Variants in RUBCN observed in about 807,000 individuals in gnomAD.
The protein encoded by RUBCN is run domain Beclin-1-interacting and cysteine-rich domain-containing protein.
Under a neutral mutation model 113.2 loss-of-function variants are expected in RUBCN, and 74 were observed. The observed-to-expected ratio is 0.65, with a 90% CI of 0.54 to 0.79. The LOEUF (loss-of-function observed/expected upper bound fraction) is 0.79. Among genes scored for constraint, RUBCN ranks in the 30% least tolerant of loss-of-function variants. The pLI is 0.00. For synonymous variants in RUBCN, 480 were observed against 490.0 expected, an observed-to-expected ratio of 0.98 and a Z score of 0.27; for missense variants, 1,109 against 1,251.7, an observed-to-expected ratio of 0.89 and a Z score of 1.72.
chr3:197,681,081 G>A lies in RUBCN; in HGVS notation c.2430+48C>T. On this transcript the variant is annotated intron_variant, in intron 16 of 19. Transcript: ENST00000296343. This position sits in a 1 kb window ranked among gnomAD's most constrained non-coding sequence, Gnocchi z 5.5. ...GGGGAGGGACGAGGGGAGGGGATGA[G>A]GGGAGGAGAAGGGCAAGACTCTAAG... The A allele has an allele frequency of 8.2e-7, 1 of 1,215,736 alleles. No homozygotes were observed. The highest frequency in any genetic ancestry group is 1.2e-6 in the Non-Finnish European group (1 of 820,760). The allele number at this position is 1,215,736 out of a possible 1,614,324, so 75.3% of individuals were successfully genotyped here.
chr3:197,747,180 C>T (rs1424813977), intron 1 of RUBCN, among the ~76,000 whole-genome samples: 1 of 152,068 alleles, frequency 6.6e-6, no homozygotes, highest in East Asian at 1.9e-4. Context: ...CTGCCATTAC[C>T]CACAATGCTT....
chr3:197,692,268 G>A (rs1722505629), intron 11 of RUBCN, among the ~76,000 whole-genome samples: 1 of 151,934 alleles, frequency 6.6e-6, no homozygotes. Flanking sequence ...ACCTGGGAGG[G>A]TGGTGCCCCA....
chr3:197,719,805 T>C (rs1725944836), intron 1 of RUBCN, among the ~76,000 whole-genome samples: 2 of 152,216 alleles, frequency 1.3e-5, no homozygotes, highest in Admixed American at 1.3e-4. Flanking sequence ...GTGTCACCTT[T>C]TTAAAAAATT....
At chr3:197,744,993 A>G (rs1029906369) in intron 1 of RUBCN, among the ~76,000 whole-genome samples, 3 of 152,198 alleles carry the variant, frequency 2.0e-5, no homozygotes, top group Admixed American at 6.5e-5. Flanking sequence ...AACTAAGAAA[A>G]GGGGGATTTA....
rs547758466 is a variant in RUBCN at position 197,676,380 on chromosome 3, C to T, written c.2646+505G>A. On this transcript the variant is annotated intron_variant, in intron 18 of 19. Transcript: ENST00000296343. ...TCAGGCTGGAGTGCAGTGGCATGAT[C>T]TCGGCTCACTGCAACCTCCGCCTCC... 367 of 941,136 alleles carry T rather than the reference C, an allele frequency of 3.9e-4. 1 individual carries two copies. Among genetic ancestry groups the T allele is most frequent in the Non-Finnish European group, 4.5e-4 (349 of 775,850 alleles). 58.3% of individuals were successfully genotyped at this position (941,136 alleles called of 1,614,324 possible). A position where few individuals can be genotyped will look rare whatever the true frequency, so the allele number is the denominator to read the frequency against.
rs201380779 is a variant in RUBCN, at chr3:197,681,092, G to A, written c.2430+37C>T. On this transcript the variant is annotated intron_variant, in intron 16 of 19. Coordinates refer to ENST00000296343, the MANE Select transcript of RUBCN (RefSeq NM_014687.4). The surrounding 1 kb of genome is among the most constrained non-coding windows in gnomAD (Gnocchi z 5.5). ...AGGGGAGGGGATGAGGGGAGGAGAA[G>A]GGCAAGACTCTAAGGTGGCCTTTTC... The A allele has an allele frequency of 7.2e-7, 1 of 1,390,198 alleles. No homozygotes were observed. The highest frequency in any genetic ancestry group is 1.0e-6 in the Non-Finnish European group (1 of 979,072). 86.1% of individuals were successfully genotyped at this position (1,390,198 alleles called of 1,614,324 possible). A position where few individuals can be genotyped will look rare whatever the true frequency, so the allele number is the denominator to read the frequency against.
chr3:197,738,656 G>A (rs779140182), upstream of RUBCN, among the ~76,000 whole-genome samples: 6 of 152,184 alleles, frequency 3.9e-5, no homozygotes, highest in Non-Finnish European at 8.8e-5. Flanking sequence ...CGCTGCCACA[G>A]TTCACTGCAG....
Position 197,746,468 on chromosome 3 carries a change from C to G in RUBCN, c.-116+2801G>C, listed in dbSNP as rs1037788918. On this transcript the variant is annotated intron_variant, in intron 1 of 20. Coordinates refer to the RUBCN transcript ENST00000273582. ...ATGCTGCTTGACTCATGCCATATAG[C>G]CATGTCCCTCTCAAAGCTCAGAATA... Among the ~76,000 whole-genome samples the G allele has an allele frequency of 7.9e-5, 12 of 152,152 alleles. 1 individual carries two copies. The highest frequency in any genetic ancestry group is 3.9e-4 in the Admixed American group (6 of 15,282).
At position 197,697,047 on chromosome 3, in the gene RUBCN, A is replaced by G; in HGVS notation, c.1264T>C (p.Ser422Pro). 6.4e-7 allele frequency: 1 copy of G among 1,552,684 alleles called. No homozygotes were observed. The stretch of plus-strand genomic sequence containing the variant: ...CTCAACTTCGCCTTATCATTGCAGG[A>G]TTCTAATGACGATGACCACCAGCGA... ...TSIASRGAPE[S>P]CNDKAKLRGP... Residue 422 changes from serine (S) to proline (P), a missense_variant and splice_region_variant, in exon 8 of 20, where the codon TCC becomes CCC. Physicochemically the swap from Ser to Pro is moderately conservative, Grantham distance 74 (BLOSUM62 -1). This residue lies in a region of RUBCN where 736 missense variants were observed against 779.6 expected (regional missense o/e 0.94). Coordinates refer to ENST00000296343, the MANE Select transcript of RUBCN (RefSeq NM_014687.4).
At chr3:197,718,639 T>TG (rs1206616043) in intron 1 of RUBCN, among the ~76,000 whole-genome samples, 1 of 152,156 alleles carries the variant, frequency 6.6e-6, no homozygotes, top group Non-Finnish European at 1.5e-5. Flanking sequence ...TTTGTAGAGA[T>TG]GGGGTCTCAC....
chr3:197,717,454 A>AG (rs890181275), intron 2 of RUBCN, among the ~76,000 whole-genome samples: 46 of 149,148 alleles, frequency 3.1e-4, no homozygotes, highest in Admixed American at 1.4e-3. Flanking sequence ...AAAAAAAAAA[A>AG]GGGGGGGGCA....
intron 2 of RUBCN, among the ~76,000 whole-genome samples, chr3:197,716,721 T>C (rs1254720870): frequency 6.6e-6 from 1 of 152,144 alleles, no homozygotes; most frequent in Non-Finnish European, 1.5e-5. Flanking sequence ...TATACTGGAT[T>C]GTCCATGTGG....
rs550356560 is a variant in RUBCN at position 197,711,104 on chromosome 3, G to A, written c.220-5929C>T. 1.2e-4 allele frequency among the ~76,000 whole-genome samples: 19 copies of A among 152,342 alleles called. No homozygotes were observed. The East Asian group carries it at 1.3e-3, about 11-fold the overall frequency. On this transcript the variant is annotated intron_variant, in intron 2 of 19. Transcript: ENST00000296343. ...CTCCCAAAGTACTGGGATTACAGGC[G>A]TGAGCCACCACGCCTGGCCTCTGGT...
chr3:197,677,300 G>A (rs748023317), intron 17 of RUBCN, among the ~76,000 whole-genome samples, 180 bp downstream of exon 17: 22 of 152,234 alleles, frequency 1.4e-4, no homozygotes, highest in Non-Finnish European at 2.9e-4. Context: ...AATGACCACA[G>A]ATCCCCTTCC....
intron 11 of RUBCN, among the ~76,000 whole-genome samples, chr3:197,691,870 T>C (rs1175719804): frequency 6.6e-6 from 1 of 152,012 alleles, no homozygotes. Flanking sequence ...CAGACTATGG[T>C]ATAACAGTAA....
intron 2 of RUBCN, among the ~76,000 whole-genome samples, chr3:197,707,031 T>A (rs1724377692): frequency 7.0e-6 from 1 of 142,896 alleles, no homozygotes; most frequent in Non-Finnish European, 1.5e-5. Flanking sequence ...CTTGGTTACA[T>A]CATTTTTAAG....
At chr3:197,698,365 T>A (rs1182087088) in intron 7 of RUBCN, among the ~76,000 whole-genome samples, 1 of 152,252 alleles carries the variant, frequency 6.6e-6, no homozygotes, top group Non-Finnish European at 1.5e-5. Context: ...TACTCTGCCT[T>A]GCAGACACAT....
In RUBCN at chr3:197,681,056, GGGGAGGGACGA is replaced by G; in HGVS notation, c.2430+62_2430+72del. The G allele has an allele frequency of 1.2e-6, 1 of 803,570 alleles. No individual in the cohort carries two copies. Among genetic ancestry groups the G allele is most frequent in the Non-Finnish European group, 2.1e-6 (1 of 481,686 alleles). The allele number at this position is 803,570 out of a possible 1,614,324, so 49.8% of individuals were successfully genotyped here. A position where few individuals can be genotyped will look rare whatever the true frequency, so the allele number is the denominator to read the frequency against. On this transcript the variant is annotated intron_variant, in intron 16 of 19. Coordinates refer to ENST00000296343, the MANE Select transcript of RUBCN (RefSeq NM_014687.4). This position sits in a 1 kb window ranked among gnomAD's most constrained non-coding sequence, Gnocchi z 5.5. Reference sequence around the variant, plus strand: ...GAGGAGGGGATGGGGGGAGGGGACGGGGGAGGGACGAGGGGAGGGGATGAGGGGAGGAGAAG... The same window carrying G: ...GAGGAGGGGATGGGGGGAGGGGACGGGGGGAGGGGATGAGGGGAGGAGAAG...
chr3:197,740,366 G>A (rs1266073641), upstream of RUBCN, among the ~76,000 whole-genome samples: 1 of 151,652 alleles, frequency 6.6e-6, no homozygotes, highest in Non-Finnish European at 1.5e-5. Context: ...CTACTCGGGA[G>A]GCTGAGCCAG....
Sources: allele counts gnomAD v4.1 joint callset (sites outside exome capture counted in the v4.1 genomes callset), GRCh38; gene constraint gnomAD v4.1.1; regional missense constraint gnomAD v4.1.1; non-coding constraint Gnocchi (gnomAD v3.1); transcripts MANE v1.5; gene names NCBI Gene and HGNC (gene_info 2026-07-23, HGNC 2026-07-21).